Variants in SUCLG2 observed in about 807,000 individuals in gnomAD.
SUCLG2 encodes succinate-CoA ligase GDP-forming subunit beta.
SUCLG2 carries 42 observed loss-of-function variants against 47.9 expected under a neutral mutation model. That is an observed-to-expected ratio of 0.88 (90% CI 0.69 to 1.14). SUCLG2 has a LOEUF of 1.14. SUCLG2 is among the 50% of genes most tolerant of loss of function. The pLI, the probability that SUCLG2 is intolerant of heterozygous loss-of-function variation, is 0.00. For synonymous variants in SUCLG2, 195 were observed against 197.3 expected (o/e 0.99, Z 0.10); for missense variants, 571 against 525.9 (o/e 1.09, Z -0.84).
chr3:67,375,082 T>C lies in SUCLG2; in HGVS notation c.*662A>G. ...AAGGCTTCTGGTTTTCTTTTTAGTG[T>C]GAGGTAAACAGTATATTCAATATTA... On this transcript the variant is annotated 3_prime_UTR_variant, in exon 11 of 11. Coordinates refer to ENST00000307227, the MANE Select transcript of SUCLG2 (RefSeq NM_003848.4). The C allele has an allele frequency of 1.0e-6, 1 of 985,774 alleles. No individual in the cohort carries two copies. The highest frequency in any genetic ancestry group is 4.7e-5 in the South Asian group (1 of 21,288). The allele number at this position is 985,774 out of a possible 1,614,324, so 61.1% of individuals were successfully genotyped here.
chr3:67,381,897 G>C (rs1416081045), intron 10 of SUCLG2, among the ~76,000 whole-genome samples: 2 of 152,152 alleles, frequency 1.3e-5, no homozygotes, highest in Non-Finnish European at 2.9e-5. Flanking sequence ...AAACAAAGAT[G>C]CAAGGTTAAT....
chr3:67,403,133 C>T (rs775003309), intron 9 of SUCLG2, among the ~76,000 whole-genome samples: 1 of 152,104 alleles, frequency 6.6e-6, no homozygotes, highest in African/African-American at 2.4e-5. Flanking sequence ...TAACCACTTG[C>T]GGTTAAAATT....
intron 2 of SUCLG2, among the ~76,000 whole-genome samples, chr3:67,554,408 C>G (rs562984970): frequency 1.3e-5 from 2 of 152,254 alleles, no homozygotes; most frequent in Non-Finnish European, 2.9e-5. Context: ...ATTCTTTACA[C>G]TCAGCTGTAA....
At chr3:67,362,493 T>C (rs1701818858) in intron 10 of SUCLG2, among the ~76,000 whole-genome samples, 1 of 152,202 alleles carries the variant, frequency 6.6e-6, no homozygotes, top group African/African-American at 2.4e-5. Context: ...CTGATGTCTC[T>C]GTTAATGAAT....
chr3:67,410,412 A>G (rs1702908831), intron 9 of SUCLG2, among the ~76,000 whole-genome samples: 1 of 152,208 alleles, frequency 6.6e-6, no homozygotes, highest in Non-Finnish European at 1.5e-5. Flanking sequence ...GAAATATTGA[A>G]TGGCATTATA....
At chr3:67,562,492 G>A (rs760793012) in intron 2 of SUCLG2, among the ~76,000 whole-genome samples, 39 of 152,144 alleles carry the variant, frequency 2.6e-4, no homozygotes, top group Non-Finnish European at 5.0e-4. Flanking sequence ...TGGCCAGGCT[G>A]GTCTCGAACT....
intron 1 of SUCLG2, among the ~76,000 whole-genome samples, chr3:67,627,571 G>A (rs762806187): frequency 2.6e-5 from 4 of 152,162 alleles, no homozygotes; most frequent in East Asian, 3.9e-4. Context: ...ATTGCTCTGC[G>A]GGGCTGATAA....
rs551626133 is a variant in SUCLG2 at position 67,508,179 on chromosome 3, T to TG, written c.757+627dup. Among the ~76,000 whole-genome samples, 19 of 152,084 alleles carry TG rather than the reference T, an allele frequency of 1.2e-4. No homozygotes were observed. In the East Asian group the frequency reaches 1.4e-3, roughly 11 times the overall value. On this transcript the variant is annotated intron_variant, in intron 7 of 10. Transcript: ENST00000307227. ...TCCAAGTAAGGTGAAAGAGTTCAAC[T>TG]GGGGGGGACTTGGGGCTTTACCAAG...
intron 1 of SUCLG2, among the ~76,000 whole-genome samples, chr3:67,614,684 C>A (rs920307162): frequency 6.6e-6 from 1 of 152,012 alleles, no homozygotes; most frequent in African/African-American, 2.4e-5. Flanking sequence ...CTTTGGGACC[C>A]TATACTGGAG....
At chr3:67,430,996 GA>G (rs1703465389) in intron 9 of SUCLG2, among the ~76,000 whole-genome samples, 1 of 152,178 alleles carries the variant, frequency 6.6e-6, no homozygotes, top group Non-Finnish European at 1.5e-5. Flanking sequence ...GGACCAGACG[GA>G]TTCACAGCCG....
At chr3:67,430,134 C>T (rs1355028206) in intron 9 of SUCLG2, among the ~76,000 whole-genome samples, 4 of 152,222 alleles carry the variant, frequency 2.6e-5, no homozygotes, top group African/African-American at 9.6e-5. Flanking sequence ...CACCCCAAAT[C>T]AACAGAATAT....
intron 7 of SUCLG2, among the ~76,000 whole-genome samples, chr3:67,507,043 G>A (rs539148461): frequency 2.6e-5 from 4 of 152,184 alleles, no homozygotes; most frequent in African/African-American, 9.6e-5. Flanking sequence ...TCTATAAAAT[G>A]GGGATAACAA....
Position 67,654,548 on chromosome 3 carries a change from C to T in SUCLG2, c.39G>A (p.Leu13=), listed in dbSNP as rs747576717. 2 of 1,269,052 alleles carry T rather than the reference C, an allele frequency of 1.6e-6. No homozygotes were observed. The highest frequency in any genetic ancestry group is 3.7e-5 in the South Asian group (1 of 26,744). The allele number at this position is 1,269,052 out of a possible 1,614,324, so 78.6% of individuals were successfully genotyped here. A position where few individuals can be genotyped will look rare whatever the true frequency, so the allele number is the denominator to read the frequency against. ...AGCGGGGCCGCAGCGCTAGGGCTCG[C>T]AGAAGCTTCCCGGCCTGCGCTGCTA... ...SPVAAQAGKL[L]RALALRPRFL... Residue 13 remains leucine, a synonymous_variant, in exon 1 of 11, where the codon CTG becomes CTA. Coordinates refer to ENST00000307227, the MANE Select transcript of SUCLG2 (RefSeq NM_003848.4).
intron 10 of SUCLG2, among the ~76,000 whole-genome samples, chr3:67,378,819 T>C (rs181857736): frequency 2.6e-5 from 4 of 152,352 alleles, no homozygotes; most frequent in East Asian, 1.9e-4. Context: ...AGGTGTTAGA[T>C]AGCAGGCTAA....
At chr3:67,469,128 A>G (rs1704542467) in intron 9 of SUCLG2, among the ~76,000 whole-genome samples, 1 of 152,236 alleles carries the variant, frequency 6.6e-6, no homozygotes, top group African/African-American at 2.4e-5. Flanking sequence ...ATTAGTAACC[A>G]AATTAAAGCA....
At chr3:67,563,402 A>C (rs1028903955) in intron 2 of SUCLG2, among the ~76,000 whole-genome samples, 1 of 152,208 alleles carries the variant, frequency 6.6e-6, no homozygotes, top group African/African-American at 2.4e-5. Flanking sequence ...TCAGAATAAC[A>C]CATTTAGCCT....
At chr3:67,578,248 C>A (rs906094003) in intron 2 of SUCLG2, among the ~76,000 whole-genome samples, 4 of 136,540 alleles carry the variant, frequency 2.9e-5, no homozygotes, top group Non-Finnish European at 4.6e-5. Context: ...TTACATATAT[C>A]ATATATAAAA....
At chr3:67,519,205 T>C (rs116348667) in intron 5 of SUCLG2, among the ~76,000 whole-genome samples, 3,753 of 152,280 alleles carry the variant, frequency 0.025, 77 homozygotes, top group Middle Eastern at 0.061. Context: ...CTGGCATGTA[T>C]ACACAGTCCC....
At chr3:67,493,268 A>C (rs1359921811) in intron 9 of SUCLG2, among the ~76,000 whole-genome samples, 5 of 152,162 alleles carry the variant, frequency 3.3e-5, no homozygotes, top group African/African-American at 9.7e-5. Flanking sequence ...TTACATTTCT[A>C]TGTTTTTTAA....
Sources: allele counts gnomAD v4.1 joint callset (sites outside exome capture counted in the v4.1 genomes callset), GRCh38; gene constraint gnomAD v4.1.1; transcripts MANE v1.5; gene names NCBI Gene and HGNC (gene_info 2026-07-23, HGNC 2026-07-21).